The following SYTL5 variants were observed in gnomAD, a reference collection of about 807,000 sequenced individuals.
SYTL5 encodes synaptotagmin-like protein 5.
SYTL5 carries 34 observed loss-of-function variants against 55.9 expected under a neutral mutation model. That is an observed-to-expected ratio of 0.61 (90% CI 0.46 to 0.81). The LOEUF is 0.81. Ranked by LOEUF, SYTL5 falls within the 30% of genes least tolerant of loss-of-function variation. SYTL5 has a pLI of 0.00. For missense variants in SYTL5, 637 were observed against 546.7 expected, an observed-to-expected ratio of 1.17 and a Z score of -1.65; for synonymous variants, 221 against 188.7, an observed-to-expected ratio of 1.17 and a Z score of -1.40.
chrX:37,891,489 G>T, the SYTL5 span, among the ~76,000 whole-genome samples: 1 of 111,564 alleles, frequency 9.0e-6, no homozygotes, highest in African/African-American at 3.3e-5. Flanking sequence ...AAAAATGAGA[G>T]GTAACTGCTG....
intron 8 of SYTL5, among the ~76,000 whole-genome samples, chrX:38,095,007 G>A (rs187444949): frequency 5.4e-5 from 6 of 111,455 alleles, no homozygotes; most frequent in Non-Finnish European, 9.4e-5. Context: ...AAAATTCTTC[G>A]GAGAAATTTG....
intron 1 of SYTL5, among the ~76,000 whole-genome samples, chrX:38,011,129 T>C (rs964637738): frequency 3.6e-5 from 4 of 112,349 alleles, no homozygotes; most frequent in Non-Finnish European, 5.6e-5. Flanking sequence ...TGCTGTTACA[T>C]GTTGCATCTC....
At chrX:38,019,832 A>C (rs533143692) in intron 1 of SYTL5, among the ~76,000 whole-genome samples, 1 of 110,911 alleles carries the variant, frequency 9.0e-6, no homozygotes, top group African/African-American at 3.3e-5. Context: ...ATGAGAGCTC[A>C]TTATATTGCC....
At chrX:37,949,956 C>T in the SYTL5 span, among the ~76,000 whole-genome samples, 1 of 111,806 alleles carries the variant, frequency 8.9e-6, no homozygotes, top group Non-Finnish European at 1.9e-5. Context: ...GTCTAAGGTA[C>T]ACATCATTAG....
the SYTL5 span, among the ~76,000 whole-genome samples, chrX:38,000,913 G>A: frequency 2.7e-5 from 3 of 111,928 alleles, no homozygotes; most frequent in African/African-American, 9.7e-5. Flanking sequence ...CAACCTGCCA[G>A]CATCTGCCAG....
At chrX:38,113,637 G>A (rs1483857055) in intron 13 of SYTL5, among the ~76,000 whole-genome samples, 1 of 111,294 alleles carries the variant, frequency 9.0e-6, no homozygotes, top group African/African-American at 3.3e-5. Context: ...CCTCACCCTG[G>A]CACTCAGTGT....
At position 38,126,889 on chromosome X, in the gene SYTL5, C is replaced by T; in HGVS notation, c.*159C>T. 2.0e-6 allele frequency: 1 copy of T among 493,018 alleles called. No individual in the cohort carries two copies. The highest frequency in any genetic ancestry group is 3.2e-6 in the Non-Finnish European group (1 of 310,012). The allele number at this position is 493,018 out of a possible 1,213,427, so 40.6% of individuals were successfully genotyped here. On this transcript the variant is annotated 3_prime_UTR_variant, in exon 17 of 17. Transcript: ENST00000297875. ...TGTCAGTAGTATGAACATTTAGGGT[C>T]TTGCTGAGTGCCTAAAAAACATATA...
At chrX:38,121,603 G>A (rs1040524049) in intron 14 of SYTL5, among the ~76,000 whole-genome samples, 5 of 112,578 alleles carry the variant, frequency 4.4e-5, no homozygotes, top group Admixed American at 9.4e-5. Context: ...ACCCTAAAAC[G>A]TAACTGTGTT....
At chrX:37,934,687 T>G in the SYTL5 span, among the ~76,000 whole-genome samples, 1 of 105,344 alleles carries the variant, frequency 9.5e-6, no homozygotes. Context: ...CAGGCTGGAG[T>G]GCAGTGGCAC....
At chrX:38,004,257 C>T (rs1933932916), upstream of SYTL5, among the ~76,000 whole-genome samples, 1 of 111,517 alleles carries the variant, frequency 9.0e-6, no homozygotes, top group Non-Finnish European at 1.9e-5. Context: ...CTCAATAAAT[C>T]CTTGCCCAGT....
At chrX:38,062,978 C>G (rs753747267) in intron 3 of SYTL5, among the ~76,000 whole-genome samples, 92 of 111,299 alleles carry the variant, frequency 8.3e-4, no homozygotes, top group African/African-American at 2.8e-3. Flanking sequence ...AGAGAAAATC[C>G]CTGCTCCATC....
chrX:38,028,900 C>A (rs1244659276), intron 1 of SYTL5, among the ~76,000 whole-genome samples: 1 of 111,407 alleles, frequency 9.0e-6, no homozygotes, highest in African/African-American at 3.3e-5. Flanking sequence ...AATTTGATTA[C>A]CTCGGTGGCA....
chrX:38,082,111 G>T (rs5917528), intron 6 of SYTL5, among the ~76,000 whole-genome samples: 14,605 of 111,442 alleles, frequency 0.13, 799 homozygotes, highest in Middle Eastern at 0.16. Flanking sequence ...TGTCAATAAT[G>T]TGAGAAGGTA....
the SYTL5 span, among the ~76,000 whole-genome samples, chrX:37,995,006 G>A: frequency 9.0e-6 from 1 of 111,387 alleles, no homozygotes; most frequent in Non-Finnish European, 1.9e-5. Flanking sequence ...GCGGGGGAAG[G>A]GGTGGCCAGT....
At chrX:38,123,635 G>A (rs73469605) in intron 15 of SYTL5, among the ~76,000 whole-genome samples, 1 of 112,163 alleles carries the variant, frequency 8.9e-6, no homozygotes, top group African/African-American at 3.2e-5. Flanking sequence ...TCTGCTGCTG[G>A]AATGAGGAGA....
At chrX:38,097,561 CA>C (rs1254116182) in intron 9 of SYTL5, among the ~76,000 whole-genome samples, 1 of 110,358 alleles carries the variant, frequency 9.1e-6, no homozygotes, top group Admixed American at 9.7e-5. Context: ...TTAAAGGAGA[CA>C]TAAATAAGTA....
the SYTL5 span, among the ~76,000 whole-genome samples, chrX:37,958,798 T>G: frequency 1.8e-5 from 2 of 112,389 alleles, no homozygotes; most frequent in Non-Finnish European, 3.8e-5. Context: ...AAGCACAGGA[T>G]AGTCATTCCT....
the SYTL5 span, among the ~76,000 whole-genome samples, chrX:37,934,120 C>T: frequency 9.0e-6 from 1 of 110,992 alleles, no homozygotes; most frequent in Admixed American, 9.6e-5. Context: ...CCAGAGTTAC[C>T]ACATTATATT....
intron 2 of SYTL5, among the ~76,000 whole-genome samples, chrX:38,046,972 C>T (rs771220274): frequency 2.7e-5 from 3 of 112,304 alleles, no homozygotes; most frequent in South Asian, 3.7e-4. Context: ...ATCCAGGTCA[C>T]GCACGCTGAT....
Sources: gnomAD v4.1 joint callset for allele counts (sites outside exome capture counted in the v4.1 genomes callset) on GRCh38, gnomAD v4.1.1 for gene constraint, MANE v1.5 for transcripts, NCBI Gene and HGNC (gene_info 2026-07-23, HGNC 2026-07-21) for gene names.